The following PRELID2 variants were observed in gnomAD, a reference collection of about 807,000 sequenced individuals.
PRELID2 encodes the protein PRELI domain containing 2, also known as PRELI domain-containing protein 2.
PRELID2 carries 25 observed loss-of-function variants against 28.4 expected under a neutral mutation model. The observed-to-expected ratio is 0.88, with a 90% CI of 0.64 to 1.23. PRELID2 has a LOEUF of 1.23. Ranked by LOEUF, PRELID2 falls within the 50% of genes most tolerant of loss-of-function variation. PRELID2 has a pLI of 0.00. For missense variants in PRELID2, 201 were observed against 214.4 expected, an observed-to-expected ratio of 0.94 and a Z score of 0.39; for synonymous variants, 76 against 71.6, an observed-to-expected ratio of 1.06 and a Z score of -0.31.
intron 1 of PRELID2, among the ~76,000 whole-genome samples, chr5:145,518,436 G>T (rs1752537822): frequency 6.6e-6 from 1 of 152,102 alleles, no homozygotes; most frequent in African/African-American, 2.4e-5. Context: ...CTGACCTCGT[G>T]ATCCTCCCAC....
chr5:145,688,204 T>C (rs1425045628), intron 1 of PRELID2, among the ~76,000 whole-genome samples: 1 of 152,208 alleles, frequency 6.6e-6, no homozygotes. Context: ...GTGTGACACA[T>C]GGCAGCCTCA....
chr5:145,269,971 A>T, the PRELID2 span, among the ~76,000 whole-genome samples: 1 of 151,030 alleles, frequency 6.6e-6, no homozygotes, highest in African/African-American at 2.4e-5. Flanking sequence ...GAAGACATAA[A>T]TGGCTTATGA....
intron 1 of PRELID2, among the ~76,000 whole-genome samples, chr5:145,589,414 A>ATCCCC (rs1753196845): frequency 6.6e-6 from 1 of 152,176 alleles, no homozygotes; most frequent in African/African-American, 2.4e-5. Context: ...AATTTACATG[A>ATCCCC]AAACTATCTG....
At chr5:145,719,916 CAG>C (rs1172394635) in intron 1 of PRELID2, among the ~76,000 whole-genome samples, 2 of 150,912 alleles carry the variant, frequency 1.3e-5, no homozygotes, top group Non-Finnish European at 3.0e-5. Context: ...GTACATAAAA[CAG>C]AAAGAAATTA....
the PRELID2 span, among the ~76,000 whole-genome samples, chr5:145,349,321 C>A: frequency 6.6e-6 from 1 of 151,912 alleles, no homozygotes; most frequent in South Asian, 2.1e-4. Context: ...TGGGACTTTG[C>A]TGTTTTGAGA....
At chr5:145,703,370 C>A (rs1654244) in intron 1 of PRELID2, among the ~76,000 whole-genome samples, 8,418 of 152,260 alleles carry the variant, frequency 0.055, 298 homozygotes, top group Non-Finnish European at 0.08. Flanking sequence ...GCTCTCCCTT[C>A]CATAGGGATT....
intron 1 of PRELID2, among the ~76,000 whole-genome samples, chr5:145,637,455 C>G (rs1490910349): frequency 6.6e-6 from 1 of 151,966 alleles, no homozygotes; most frequent in Non-Finnish European, 1.5e-5. Flanking sequence ...TTTTCAAACT[C>G]TGTTTTCTCC....
chr5:145,600,451 A>ATATATATATATATATATATATATATATG (rs1328695707), intron 1 of PRELID2, among the ~76,000 whole-genome samples: 29 of 138,306 alleles, frequency 2.1e-4, no homozygotes, highest in Middle Eastern at 3.5e-3. Flanking sequence ...ATATATATAT[A>ATATATATATATATATATATATATATATG]TATGTATCTC....
chr5:145,831,860 A>G (rs1208942434), intron 1 of PRELID2, among the ~76,000 whole-genome samples: 1 of 152,182 alleles, frequency 6.6e-6, no homozygotes, highest in South Asian at 2.1e-4. Flanking sequence ...TAAATATTTT[A>G]TAAGAATTAC....
intron 1 of PRELID2, among the ~76,000 whole-genome samples, chr5:145,831,578 T>C (rs925037679): frequency 6.6e-6 from 1 of 152,322 alleles, no homozygotes; most frequent in East Asian, 1.9e-4. Context: ...GCAAATGGGT[T>C]TACTGACATC....
At chr5:145,403,582 T>C in the PRELID2 span, among the ~76,000 whole-genome samples, 2 of 152,154 alleles carry the variant, frequency 1.3e-5, no homozygotes, top group Non-Finnish European at 2.9e-5. Context: ...TCAAAACACC[T>C]GCACTCAGAC....
At chr5:145,816,404 G>C (rs1754312622) in intron 4 of PRELID2, among the ~76,000 whole-genome samples, 1 of 151,906 alleles carries the variant, frequency 6.6e-6, no homozygotes, top group Non-Finnish European at 1.5e-5. Context: ...TCTTGACAGT[G>C]TCCCTTGAAA....
intron 4 of PRELID2, among the ~76,000 whole-genome samples, chr5:145,805,207 C>G (rs1337753732): frequency 6.6e-6 from 1 of 152,110 alleles, no homozygotes; most frequent in African/African-American, 2.4e-5. Flanking sequence ...CCTCCTCATC[C>G]CTTATTTCCA....
chr5:145,680,625 CA>C (rs1754914165), intron 1 of PRELID2, among the ~76,000 whole-genome samples: 1 of 152,202 alleles, frequency 6.6e-6, no homozygotes, highest in South Asian at 2.1e-4. Flanking sequence ...ATCGGAAACA[CA>C]AGTCCATGTA....
the PRELID2 span, among the ~76,000 whole-genome samples, chr5:145,363,758 T>C: frequency 2.0e-5 from 3 of 152,064 alleles, no homozygotes; most frequent in African/African-American, 7.2e-5. Flanking sequence ...TTCCAAATAA[T>C]ATTTGCCTTG....
At chr5:145,474,817 G>C (rs1752084996) in intron 1 of PRELID2, among the ~76,000 whole-genome samples, 1 of 152,096 alleles carries the variant, frequency 6.6e-6, no homozygotes, top group South Asian at 2.1e-4. Context: ...TCTATCTGTG[G>C]CAGGATCATT....
chr5:145,546,140 C>T (rs1752786026), intron 1 of PRELID2, among the ~76,000 whole-genome samples: 1 of 152,060 alleles, frequency 6.6e-6, no homozygotes, highest in African/African-American at 2.4e-5. Flanking sequence ...AAGTGTATGA[C>T]ATTATTATCA....
the PRELID2 span, among the ~76,000 whole-genome samples, chr5:145,451,252 C>A: frequency 6.6e-6 from 1 of 152,234 alleles, no homozygotes; most frequent in African/African-American, 2.4e-5. Context: ...CACAAGCACT[C>A]CACAGTCATT....
intron 1 of PRELID2, among the ~76,000 whole-genome samples, chr5:145,742,716 C>G (rs906547036): frequency 6.7e-6 from 1 of 149,684 alleles, no homozygotes; most frequent in Non-Finnish European, 1.5e-5. Context: ...AAATTAAGCC[C>G]AAAGCAAGCA....
Sources: gnomAD v4.1 joint callset for allele counts (sites outside exome capture counted in the v4.1 genomes callset) on GRCh38, gnomAD v4.1.1 for gene constraint, MANE v1.5 for transcripts, NCBI Gene and HGNC (gene_info 2026-07-23, HGNC 2026-07-21) for gene names.